Variants in SMARCAL1 observed in about 807,000 individuals in gnomAD.
SMARCAL1 encodes SNF2 related chromatin remodeling annealing helicase 1.
In SMARCAL1, 58 loss-of-function variants were observed where a neutral mutation model predicts 94.5. The ratio of observed to expected loss-of-function variants is 0.61; its 90% CI spans 0.50 to 0.76. The LOEUF is 0.76. Among genes scored for constraint, SMARCAL1 ranks in the 30% least tolerant of loss-of-function variants. The pLI is 0.00. For synonymous variants in SMARCAL1, 422 were observed against 455.1 expected, an observed-to-expected ratio of 0.93 and a Z score of 0.93; for missense variants, 1,051 against 1,177.9, an observed-to-expected ratio of 0.89 and a Z score of 1.58.
chr2:216,423,074 A>G (rs1195554252), intron 5 of SMARCAL1, among the ~76,000 whole-genome samples: 2 of 152,180 alleles, frequency 1.3e-5, no homozygotes, highest in East Asian at 1.9e-4. Flanking sequence ...TATTTTTCAG[A>G]TGTGGAAACT....
At chr2:216,469,527 G>A (rs998790911) in intron 14 of SMARCAL1, among the ~76,000 whole-genome samples, 8 of 151,660 alleles carry the variant, frequency 5.3e-5, no homozygotes, top group Non-Finnish European at 7.4e-5. Flanking sequence ...CTCATGATCC[G>A]CCCGCCTCGG....
rs750062612 is a variant in SMARCAL1, at chr2:216,415,262, G to C, written c.558G>C (p.Arg186Ser). Reference protein sequence around the residue: ...TPAHSSGQPPRDAKLEAKTAK... With the variant: ...TPAHSSGQPPSDAKLEAKTAK... ...CTCATTCCTCTGGACAGCCTCCCAG[G>C]GATGCTAAGTTAGAGGCCAAGACAG... The change falls in exon 3 of 18, where the codon AGG becomes AGC. Residue 186 changes from arginine to serine, a missense_variant. Physicochemically the swap from Arg to Ser is moderately radical, Grantham distance 110. Coordinates refer to ENST00000357276, the MANE Select transcript of SMARCAL1 (RefSeq NM_014140.4). 6.2e-7 allele frequency: 1 copy of C among 1,614,232 alleles called. No homozygotes were observed. The highest frequency in any genetic ancestry group is 1.1e-5 in the South Asian group (1 of 91,084).
intron 12 of SMARCAL1, among the ~76,000 whole-genome samples, chr2:216,459,842 A>C (rs531465063): frequency 2.6e-5 from 4 of 152,226 alleles, no homozygotes; most frequent in East Asian, 1.9e-4. Flanking sequence ...AATGGGATCT[A>C]ATTAAACTAA....
intron 7 of SMARCAL1, among the ~76,000 whole-genome samples, chr2:216,431,513 G>T (rs1205078386): frequency 6.6e-6 from 1 of 152,138 alleles, no homozygotes; most frequent in Non-Finnish European, 1.5e-5. Context: ...TCTTTTTGTG[G>T]AATAGTAGTT....
At chr2:216,433,015 C>T (rs1261763059) in intron 8 of SMARCAL1, 147 bp downstream of exon 8, 2 of 1,024,212 alleles carry the variant, frequency 2.0e-6, no homozygotes, top group Non-Finnish European at 3.0e-6. Context: ...TGAGATGCCA[C>T]CTGAGGGCAG....
intron 11 of SMARCAL1, among the ~76,000 whole-genome samples, 168 bp downstream of exon 11, chr2:216,447,326 A>G (rs1254600249): frequency 6.6e-6 from 1 of 152,110 alleles, no homozygotes; most frequent in Non-Finnish European, 1.5e-5. Flanking sequence ...CCTCAGGGGT[A>G]AGATGAAAAT....
chr2:216,468,592 C>T (rs1694885570), intron 14 of SMARCAL1, among the ~76,000 whole-genome samples: 1 of 152,152 alleles, frequency 6.6e-6, no homozygotes, highest in Non-Finnish European at 1.5e-5. Context: ...AAATTTAAGG[C>T]TGTAAATTGC....
At chr2:216,439,834 T>C (rs1270735494) in intron 10 of SMARCAL1, among the ~76,000 whole-genome samples, 1 of 152,098 alleles carries the variant, frequency 6.6e-6, no homozygotes, top group African/African-American at 2.4e-5. Context: ...GGCCGAGGCA[T>C]GTGGGTCACT....
At chr2:216,435,225 T>G (rs1574458557) in intron 8 of SMARCAL1, 113 bp from the exon 9 acceptor site, 9 of 1,131,654 alleles carry the variant, frequency 8.0e-6, no homozygotes, top group Non-Finnish European at 1.0e-5. Flanking sequence ...CACAGGTAGG[T>G]GAGAGGAAGG....
chr2:216,482,243 A>C lies in SMARCAL1; in HGVS notation c.2626-495A>C, dbSNP rs1488670817. 6.6e-6 allele frequency among the ~76,000 whole-genome samples: 1 copy of C among 152,162 alleles called. No homozygotes were observed. The highest frequency in any genetic ancestry group is 1.9e-4 in the East Asian group (1 of 5,196). Reference sequence around the variant, plus strand: ...TGAGGTGGGCAGATCATTTGAGCTCAGGAGTTCGAGACCAGCCTGGGCAAC... The same window carrying C: ...TGAGGTGGGCAGATCATTTGAGCTCCGGAGTTCGAGACCAGCCTGGGCAAC... On this transcript the variant is annotated intron_variant, in intron 17 of 17. Coordinates refer to ENST00000357276, the MANE Select transcript of SMARCAL1 (RefSeq NM_014140.4). The surrounding 1 kb of genome is among the most constrained non-coding windows in gnomAD (Gnocchi z 4.3).
chr2:216,425,568 G>A (rs1047361593), intron 6 of SMARCAL1, among the ~76,000 whole-genome samples: 3 of 152,212 alleles, frequency 2.0e-5, no homozygotes, highest in African/African-American at 7.2e-5. Context: ...GACCAAGAAT[G>A]TGTTATAGCC....
intron 7 of SMARCAL1, among the ~76,000 whole-genome samples, chr2:216,431,268 T>A (rs1693958385): frequency 6.6e-6 from 1 of 152,240 alleles, no homozygotes; most frequent in Non-Finnish European, 1.5e-5. Context: ...AGCTGCTGAT[T>A]AGAAGAGGTG....
At chr2:216,445,429 G>A (rs555631998) in intron 10 of SMARCAL1, among the ~76,000 whole-genome samples, 7 of 152,268 alleles carry the variant, frequency 4.6e-5, no homozygotes, top group Admixed American at 6.5e-5. Context: ...GAGTGTATGG[G>A]AGAAGCGATT....
At chr2:216,443,068 T>A (rs1163017979) in intron 10 of SMARCAL1, among the ~76,000 whole-genome samples, 1 of 152,148 alleles carries the variant, frequency 6.6e-6, no homozygotes, top group Non-Finnish European at 1.5e-5. Context: ...AAATGGATTG[T>A]CTTTTCCAGA....
At position 216,447,174 on chromosome 2, in the gene SMARCAL1, T is replaced by TTGCCC; in HGVS notation, c.1851+16_1851+17insTGCCC. ...TGCCAAACGGGTATGTATTATCTCT[T>TTGCCC]CCCTCCCAGCCCACCCATTTCTCAC... On this transcript the variant is annotated intron_variant, in intron 11 of 17. Transcript: ENST00000357276. 2 of 1,579,270 alleles carry TTGCCC rather than the reference T, an allele frequency of 1.3e-6. No homozygotes were observed. Among genetic ancestry groups the TTGCCC allele is most frequent in the Non-Finnish European group, 8.7e-7 (1 of 1,150,164 alleles).
At chr2:216,470,581 A>G (rs1478135670) in intron 14 of SMARCAL1, among the ~76,000 whole-genome samples, 1 of 150,870 alleles carries the variant, frequency 6.6e-6, no homozygotes. Flanking sequence ...TAAACCTCCT[A>G]GGCTCAAGTG....
chr2:216,423,539 G>A (rs1409566258), intron 5 of SMARCAL1, 94 bp from the exon 6 acceptor site: 3 of 1,049,406 alleles, frequency 2.9e-6, no homozygotes, highest in African/African-American at 3.1e-5. Flanking sequence ...AAGCTGAATG[G>A]AAGTTTATGA....
chr2:216,478,297 A>G lies in SMARCAL1; in HGVS notation c.2623A>G (p.Lys875Glu), dbSNP rs758034594. The G allele has an allele frequency of 4.1e-5, 66 of 1,605,060 alleles. 1 individual carries two copies. The South Asian group carries it at 7.2e-4, about 17-fold the overall frequency. Residue 875 changes from lysine to glutamate, a missense_variant and splice_region_variant, in exon 17 of 18, where the codon AAG becomes GAG. By Grantham distance (56) the Lys-to-Glu change is moderately conservative. Around this residue, in one of 3 missense-constraint regions of SMARCAL1, gnomAD observed 642 missense variants for 754.7 expected, o/e 0.85. Coordinates refer to ENST00000357276, the MANE Select transcript of SMARCAL1 (RefSeq NM_014140.4). ...GACAGAATCCACTGATTACCTCTAC[A>G]AGGTAATGCCAGCACATGGCTCTTC... Reference protein sequence around the residue: ...EMTESTDYLYKDPKQQKIYDL... With the variant: ...EMTESTDYLYEDPKQQKIYDL...
At chr2:216,479,145 C>G (rs547286081) in intron 17 of SMARCAL1, 1 of 152,356 alleles carries the variant, frequency 6.6e-6, no homozygotes, top group Non-Finnish European at 1.5e-5. Flanking sequence ...ATGCCCTCCT[C>G]GAGCACAGCT....
Sources: gnomAD v4.1 joint callset for allele counts (sites outside exome capture counted in the v4.1 genomes callset) on GRCh38, gnomAD v4.1.1 for gene constraint, gnomAD v4.1.1 regional missense constraint, Gnocchi (gnomAD v3.1) non-coding constraint, MANE v1.5 for transcripts, NCBI Gene and HGNC (gene_info 2026-07-23, HGNC 2026-07-21) for gene names.